The following SEMA3A variants were observed in gnomAD, a reference collection of about 807,000 sequenced individuals.
The protein encoded by SEMA3A is semaphorin 3A.
SEMA3A carries 29 observed loss-of-function variants against 97.9 expected under a neutral mutation model. The ratio of observed to expected loss-of-function variants is 0.30; its 90% CI spans 0.22 to 0.40. The LOEUF (loss-of-function observed/expected upper bound fraction) is 0.40, where lower values mean the gene tolerates loss of function less well. SEMA3A is among the 10% of genes least tolerant of loss of function. The pLI, the probability that SEMA3A is intolerant of heterozygous loss-of-function variation, is 1.00. For missense variants in SEMA3A, 763 were observed against 951.3 expected (o/e 0.80, Z 2.60); for synonymous variants, 321 against 323.7 (o/e 0.99, Z 0.09).
intron 2 of SEMA3A, among the ~76,000 whole-genome samples, chr7:84,361,714 G>C (rs955004381): frequency 6.6e-6 from 1 of 151,972 alleles, no homozygotes; most frequent in South Asian, 2.1e-4. Flanking sequence ...ATTGAACTAG[G>C]GGAATTTTAA....
At chr7:84,164,820 A>G (rs1352842989) in intron 1 of SEMA3A, among the ~76,000 whole-genome samples, 1 of 152,178 alleles carries the variant, frequency 6.6e-6, no homozygotes, top group Non-Finnish European at 1.5e-5. Flanking sequence ...CTTATTACCA[A>G]TGTATTAGTC....
chr7:84,199,341 A>G (rs1002074135), upstream of SEMA3A, among the ~76,000 whole-genome samples: 8 of 152,330 alleles, frequency 5.3e-5, no homozygotes, highest in African/African-American at 1.9e-4. Flanking sequence ...GTGATCAGAT[A>G]CAGGAAATCC....
intron 1 of SEMA3A, among the ~76,000 whole-genome samples, chr7:84,405,168 C>T (rs139340800): frequency 1.3e-5 from 2 of 151,784 alleles, no homozygotes; most frequent in Non-Finnish European, 2.9e-5. Flanking sequence ...TGCAGAGACA[C>T]ACATAGGCTC....
At chr7:84,304,401 A>C (rs1801101736) in intron 3 of SEMA3A, among the ~76,000 whole-genome samples, 1 of 151,558 alleles carries the variant, frequency 6.6e-6, no homozygotes, top group South Asian at 2.1e-4. Context: ...TTTTCAAAGA[A>C]AGAAGAAAAA....
chr7:83,987,626 G>C (rs1384084084), intron 12 of SEMA3A, among the ~76,000 whole-genome samples: 1 of 152,032 alleles, frequency 6.6e-6, no homozygotes, highest in African/African-American at 2.4e-5. Flanking sequence ...CTGGAATTAC[G>C]CCTGGTATTT....
At chr7:84,480,064 G>A (rs1806402267) in intron 1 of SEMA3A, among the ~76,000 whole-genome samples, 1 of 152,150 alleles carries the variant, frequency 6.6e-6, no homozygotes, top group Non-Finnish European at 1.5e-5. Context: ...ATGACAACAT[G>A]ATTAATTAGA....
At chr7:84,213,616 T>C (rs1463815339) in intron 3 of SEMA3A, among the ~76,000 whole-genome samples, 1 of 152,186 alleles carries the variant, frequency 6.6e-6, no homozygotes, top group African/African-American at 2.4e-5. Flanking sequence ...CCTATTTCCC[T>C]CCCATGCAAA....
chr7:84,362,026 T>C (rs1242415603), intron 2 of SEMA3A, among the ~76,000 whole-genome samples: 7 of 152,004 alleles, frequency 4.6e-5, no homozygotes, highest in Non-Finnish European at 7.4e-5. Flanking sequence ...ATGTTGCTCA[T>C]ATAGTTTTGT....
At chr7:84,202,929 T>C (rs1470432723) in intron 3 of SEMA3A, among the ~76,000 whole-genome samples, 1 of 152,220 alleles carries the variant, frequency 6.6e-6, no homozygotes, top group East Asian at 1.9e-4. Context: ...AATACATCTA[T>C]ACTGTTATAC....
chr7:84,271,908 T>C (rs924405075), intron 3 of SEMA3A, among the ~76,000 whole-genome samples: 4 of 152,118 alleles, frequency 2.6e-5, no homozygotes, highest in African/African-American at 7.2e-5. Context: ...GTCTTTGATA[T>C]AAAATAATAC....
At chr7:83,984,608 C>CTTTTGTTTTTTTTTTTTT (rs1789553712) in intron 13 of SEMA3A, among the ~76,000 whole-genome samples, 1 of 98,880 alleles carries the variant, frequency 1.0e-5, no homozygotes. Flanking sequence ...GATTTTTCTG[C>CTTTTGTTTTTTTTTTTTT]TTTTTTTTTT....
chr7:84,461,480 C>T (rs1333359279), intron 1 of SEMA3A, among the ~76,000 whole-genome samples: 1 of 150,114 alleles, frequency 6.7e-6, no homozygotes, highest in African/African-American at 2.5e-5. Context: ...TTTTTTACAG[C>T]TGTCTTCCCC....
intron 2 of SEMA3A, among the ~76,000 whole-genome samples, chr7:84,351,282 T>C (rs1030459593): frequency 6.6e-6 from 1 of 152,154 alleles, no homozygotes; most frequent in South Asian, 2.1e-4. Context: ...GTGGACTTGA[T>C]GGTTTGCTTG....
intron 2 of SEMA3A, among the ~76,000 whole-genome samples, chr7:84,318,418 G>A (rs1026893008): frequency 9.4e-5 from 14 of 148,284 alleles, no homozygotes; most frequent in African/African-American, 3.5e-4. Context: ...CGCCTCCCGG[G>A]TTCACGCCAT....
chr7:84,425,105 AAT>A (rs1198869373), intron 1 of SEMA3A, among the ~76,000 whole-genome samples: 2 of 108,256 alleles, frequency 1.8e-5, no homozygotes, highest in Non-Finnish European at 3.3e-5. Flanking sequence ...TATAAATATA[AAT>A]ATATATTTAT....
intron 1 of SEMA3A, among the ~76,000 whole-genome samples, chr7:84,444,458 CAAATT>C (rs1485634934): frequency 2.0e-5 from 3 of 151,872 alleles, no homozygotes; most frequent in African/African-American, 7.3e-5. Context: ...AGAGCACAAA[CAAATT>C]AATTTTTTTC....
At chr7:84,149,886 G>T (rs1178313859) in intron 1 of SEMA3A, among the ~76,000 whole-genome samples, 1 of 152,206 alleles carries the variant, frequency 6.6e-6, no homozygotes, top group Non-Finnish European at 1.5e-5. Context: ...AAAGGGAAGT[G>T]TTATTGCTAT....
At chr7:84,334,660 C>T (rs555475738) in intron 2 of SEMA3A, among the ~76,000 whole-genome samples, 22 of 151,292 alleles carry the variant, frequency 1.5e-4, no homozygotes, top group Admixed American at 1.1e-3. Flanking sequence ...TCCTGGTCAC[C>T]CCCATGTTCT....
chr7:84,134,126 G>T (rs1481359318), intron 2 of SEMA3A, among the ~76,000 whole-genome samples: 1 of 152,026 alleles, frequency 6.6e-6, no homozygotes, highest in Non-Finnish European at 1.5e-5. Flanking sequence ...ATACTATAAA[G>T]AATAAAGATA....
Sources: allele counts gnomAD v4.1 joint callset (sites outside exome capture counted in the v4.1 genomes callset), GRCh38; gene constraint gnomAD v4.1.1; transcripts MANE v1.5; gene names NCBI Gene and HGNC (gene_info 2026-07-23, HGNC 2026-07-21).